XPO4: variants seen among roughly 807,000 people sequenced by gnomAD.
XPO4 encodes exportin 4.
In XPO4, 39 loss-of-function variants were observed where a neutral mutation model predicts 143.0. That is an observed-to-expected ratio of 0.27 (90% CI 0.21 to 0.36). XPO4 has a LOEUF of 0.36. Ranked by LOEUF, XPO4 falls within the 10% of genes least tolerant of loss-of-function variation. The probability of loss-of-function intolerance (pLI) is 1.00; values close to 1 mark genes in which losing one functional copy is unlikely to be tolerated. For synonymous variants in XPO4, 439 were observed against 474.0 expected, an observed-to-expected ratio of 0.93 and a Z score of 0.96; for missense variants, 907 against 1,348.0, an observed-to-expected ratio of 0.67 and a Z score of 5.12.
chr13:20,823,371 T>TA, intron 7 of XPO4, among the ~76,000 whole-genome samples: 1 of 152,320 alleles, frequency 6.6e-6, no homozygotes, highest in East Asian at 1.9e-4. Context: ...CTGAGTCCCT[T>TA]AATCCTTAAT....
chr13:20,792,871 C>T (rs978456852), intron 18 of XPO4, among the ~76,000 whole-genome samples: 1 of 152,088 alleles, frequency 6.6e-6, no homozygotes, highest in South Asian at 2.1e-4. Context: ...CTGCAACCTC[C>T]TCTCTTCCCA....
Position 20,897,889 on chromosome 13 carries a change from G to T in XPO4, c.69+4781C>A, listed in dbSNP as rs533189175. Reference sequence around the variant, plus strand: ...CAGCCTCCCAAGTAGCTGGGATTACGTTATAGGTATGCACCACCTCGCCCA... The same window carrying T: ...CAGCCTCCCAAGTAGCTGGGATTACTTTATAGGTATGCACCACCTCGCCCA... On this transcript the variant is annotated intron_variant, in intron 1 of 22. Transcript: ENST00000255305. Among the ~76,000 whole-genome samples the T allele has an allele frequency of 8.6e-4, 131 of 152,154 alleles. 3 individuals are homozygous for T. In the South Asian group the frequency reaches 0.026, roughly 31 times the overall value.
chr13:20,808,608 A>G, intron 11 of XPO4, 27 bp from the exon 12 acceptor site: 1 of 1,496,790 alleles, frequency 6.7e-7, no homozygotes, highest in Non-Finnish European at 9.0e-7. Context: ...CAGTAGCTTC[A>G]TAAAGTTCAA....
At chr13:20,806,791 T>G (rs2059513114) in intron 13 of XPO4, among the ~76,000 whole-genome samples, 4 of 151,984 alleles carry the variant, frequency 2.6e-5, no homozygotes, top group African/African-American at 7.3e-5. Flanking sequence ...GACCTCATGA[T>G]CTGCCCGCCT....
At chr13:20,878,276 A>G (rs952861548) in intron 1 of XPO4, among the ~76,000 whole-genome samples, 2 of 152,220 alleles carry the variant, frequency 1.3e-5, no homozygotes, top group Admixed American at 6.5e-5. Context: ...TTATCTAGAA[A>G]AAGTTGATAG....
intron 1 of XPO4, among the ~76,000 whole-genome samples, chr13:20,895,832 AT>A (rs2060563942): frequency 6.6e-6 from 1 of 152,078 alleles, no homozygotes; most frequent in Non-Finnish European, 1.5e-5. Context: ...GATATACCAT[AT>A]TTTTTAAGAG....
chr13:20,843,535 A>G (rs2059998930), intron 5 of XPO4, among the ~76,000 whole-genome samples: 1 of 150,584 alleles, frequency 6.6e-6, no homozygotes, highest in Admixed American at 6.6e-5. Flanking sequence ...ATAATAAACT[A>G]AAGATCTTTA....
chr13:20,878,107 G>A (rs1453868815), intron 1 of XPO4, among the ~76,000 whole-genome samples: 1 of 152,114 alleles, frequency 6.6e-6, no homozygotes, highest in Non-Finnish European at 1.5e-5. Flanking sequence ...TAAGTTGGGA[G>A]AATCACTTGA....
At chr13:20,831,160 T>TA (rs2138009659) in intron 6 of XPO4, among the ~76,000 whole-genome samples, 1 of 152,210 alleles carries the variant, frequency 6.6e-6, no homozygotes, top group South Asian at 2.1e-4. Context: ...CTTAAATTCT[T>TA]AACTTAAAAA....
In XPO4 at chr13:20,782,997, A is replaced by T. The variant is rs1044520783; in HGVS notation, c.*725T>A. 1.2e-4 allele frequency: 19 copies of T among 152,446 alleles called. No homozygotes were observed. Among genetic ancestry groups the T allele is most frequent in the African/African-American group, 4.6e-4 (19 of 41,456 alleles). 9.4% of individuals were successfully genotyped at this position (152,446 alleles called of 1,614,324 possible). ...AGAGAGAAAAGAAAGAGAGAGACAG[A>T]AAGCAAGAAAAGCAAGAAAGCAAGC... On this transcript the variant is annotated 3_prime_UTR_variant, in exon 23 of 23. Transcript: ENST00000255305.
chr13:20,813,652 G>C lies in XPO4; in HGVS notation c.1174-3685C>G, dbSNP rs564164425. The stretch of plus-strand genomic sequence containing the variant: ...CTCTGATCAAAAAATTCCACTCCTA[G>C]GTTTATACTTTAGGAGAGCTCTCAG... On this transcript the variant is annotated intron_variant, in intron 9 of 22. Coordinates refer to ENST00000255305, the MANE Select transcript of XPO4 (RefSeq NM_022459.5). 3.3e-5 allele frequency among the ~76,000 whole-genome samples: 5 copies of C among 152,138 alleles called. No individual in the cohort carries two copies. In the South Asian group the frequency reaches 1.0e-3, roughly 32 times the overall value.
intron 1 of XPO4, among the ~76,000 whole-genome samples, chr13:20,890,735 G>C (rs897392916): frequency 6.7e-6 from 1 of 149,128 alleles, no homozygotes; most frequent in African/African-American, 2.5e-5. Flanking sequence ...GGAGGCAGAG[G>C]ATGGCGTGAG....
At chr13:20,896,470 T>G (rs2060570580) in intron 1 of XPO4, among the ~76,000 whole-genome samples, 1 of 152,216 alleles carries the variant, frequency 6.6e-6, no homozygotes, top group Non-Finnish European at 1.5e-5. Flanking sequence ...ATCAGTGCCC[T>G]ATAATTTATT....
intron 4 of XPO4, chr13:20,848,511 T>C (rs772501340): frequency 1.2e-4 from 123 of 985,300 alleles, no homozygotes; most frequent in Non-Finnish European, 1.4e-4. Flanking sequence ...TACAAGAAGG[T>C]AAAGTAGCAG....
intron 16 of XPO4, among the ~76,000 whole-genome samples, chr13:20,797,288 T>C (rs2762990): frequency 0.32 from 49,065 of 151,868 alleles, 9,914 homozygotes; most frequent in East Asian, 0.8. Flanking sequence ...CTCCCTGCCA[T>C]TCAAAGAATT....
At chr13:20,842,580 G>C (rs1282564271) in intron 6 of XPO4, among the ~76,000 whole-genome samples, 4 of 152,102 alleles carry the variant, frequency 2.6e-5, no homozygotes, top group African/African-American at 9.7e-5. Context: ...TTTCTTAAAA[G>C]GTAATTTCTA....
At chr13:20,852,837 T>C in intron 4 of XPO4, 1 of 984,766 alleles carries the variant, frequency 1.0e-6, no homozygotes, top group Non-Finnish European at 1.2e-6. Context: ...ATAATGCTAT[T>C]TGTGTAACAG....
Position 20,780,094 on chromosome 13 carries a change from T to G in XPO4, c.*3628A>C, listed in dbSNP as rs190606708. 3.2e-4 allele frequency: 49 copies of G among 152,340 alleles called. No homozygotes were observed. The highest frequency in any genetic ancestry group is 3.1e-3 in the East Asian group (16 of 5,188). The allele number at this position is 152,340 out of a possible 1,614,324, so 9.4% of individuals were successfully genotyped here. A position where few individuals can be genotyped will look rare whatever the true frequency, so the allele number is the denominator to read the frequency against. ...CAGAAAATTATAATGTTAAACCTCA[T>G]AGCCAAATCAGTTCCTTATTCTCTG... is the stretch of plus-strand genomic sequence containing the variant. On this transcript the variant is annotated 3_prime_UTR_variant, in exon 23 of 23. Transcript: ENST00000255305.
At chr13:20,877,923 G>A (rs1461513981) in intron 1 of XPO4, among the ~76,000 whole-genome samples, 1 of 152,174 alleles carries the variant, frequency 6.6e-6, no homozygotes, top group East Asian at 1.9e-4. Context: ...CAAGTGTTTG[G>A]GGATGGGCAT....
Sources: allele counts gnomAD v4.1 joint callset (sites outside exome capture counted in the v4.1 genomes callset), GRCh38; gene constraint gnomAD v4.1.1; transcripts MANE v1.5; gene names NCBI Gene and HGNC (gene_info 2026-07-23, HGNC 2026-07-21).